The following ELP1 variants were observed in gnomAD, a reference collection of about 807,000 sequenced individuals.
ELP1 encodes elongator complex protein 1.
Under a neutral mutation model 183.2 loss-of-function variants are expected in ELP1, and 131 were observed. The observed-to-expected ratio is 0.72, with a 90% CI of 0.62 to 0.83. ELP1 has a LOEUF of 0.83. ELP1 is among the 40% of genes least tolerant of loss of function. The probability of loss-of-function intolerance (pLI) is 0.00; values close to 1 mark genes in which losing one functional copy is unlikely to be tolerated. For missense variants in ELP1, 1,550 were observed against 1,594.9 expected (o/e 0.97, Z 0.48); for synonymous variants, 555 against 569.0 (o/e 0.98, Z 0.35).
chr9:108,881,263 C>A (rs1022661910), intron 31 of ELP1, among the ~76,000 whole-genome samples: 1 of 152,172 alleles, frequency 6.6e-6, no homozygotes, highest in Admixed American at 6.5e-5. Flanking sequence ...CATGCATACA[C>A]ACATTCATTA....
chr9:108,902,678 A>G (rs904097156), intron 16 of ELP1, among the ~76,000 whole-genome samples, 161 bp downstream of exon 16: 2 of 152,206 alleles, frequency 1.3e-5, no homozygotes, highest in African/African-American at 4.8e-5. Flanking sequence ...CATTTTATAG[A>G]TGAATAAGGT....
rs1451126639 is a variant in ELP1, at chr9:108,906,397, C to T, written c.1549G>A (p.Val517Ile). The T allele has an allele frequency of 4.3e-6, 7 of 1,613,966 alleles. No individual in the cohort carries two copies. Among genetic ancestry groups the T allele is most frequent in the Admixed American group, 1.7e-5 (1 of 60,006 alleles). ...TWIEEDVFLA[V>I]SHSEFSPRSV... is the part of the protein sequence containing the mutation. ...CGGGGGCTGAACTCACTGTGGCTTA[C>T]AGCCAGGAAGACGTCTTCTTCAATC... Residue 517 changes from valine (V) to isoleucine (I), a missense_variant, in exon 14 of 37, where the codon GTA (valine) becomes ATA (isoleucine). By Grantham distance (29) the Val-to-Ile change is conservative (BLOSUM62 3). Coordinates refer to ENST00000374647, the MANE Select transcript of ELP1 (RefSeq NM_003640.5).
At chr9:108,891,969 G>A (rs996834163) in intron 27 of ELP1, among the ~76,000 whole-genome samples, 1 of 152,196 alleles carries the variant, frequency 6.6e-6, no homozygotes, top group Non-Finnish European at 1.5e-5. Flanking sequence ...CTAGAGCAGA[G>A]AGAGTGTGGA....
In ELP1 at chr9:108,891,513, A is replaced by C. The variant is rs566136993; in HGVS notation, c.2959-109T>G. 8.1e-6 allele frequency: 8 copies of C among 982,802 alleles called. No individual in the cohort carries two copies. The East Asian group carries it at 2.0e-4, about 25-fold the overall frequency. The allele number at this position is 982,802 out of a possible 1,614,324, so 60.9% of individuals were successfully genotyped here. The stretch of plus-strand genomic sequence containing the variant: ...TACTTGGAACTCCCTTGAAAGAATT[A>C]CCTGGGAAAATCTTACAGTTGATCA... On this transcript the variant is annotated intron_variant, in intron 27 of 36. Transcript: ENST00000374647.
At position 108,901,257 on chromosome 9, in the gene ELP1, T is replaced by C. The variant is rs150087061; in HGVS notation, c.2014+168A>G. Among the ~76,000 whole-genome samples the C allele has an allele frequency of 4.5e-4, 68 of 152,328 alleles. 3 individuals are homozygous for C. The highest frequency in any genetic ancestry group is 1.6e-3 in the African/African-American group (67 of 41,560). On this transcript the variant is annotated intron_variant, in intron 18 of 36. Coordinates refer to ENST00000374647, the MANE Select transcript of ELP1 (RefSeq NM_003640.5). ...TTACTAAAGTGCAGAATGATTTAAC[T>C]GAGATATTATGTTGAGATTAGGGTC... is the stretch of plus-strand genomic sequence containing the variant.
chr9:108,928,818 A>G (rs933318368), intron 3 of ELP1, among the ~76,000 whole-genome samples: 2 of 152,212 alleles, frequency 1.3e-5, no homozygotes, highest in African/African-American at 4.8e-5. Flanking sequence ...GACAAGTTTG[A>G]TATTTCCCAC....
At chr9:108,929,205 T>G (rs1299977232) in intron 3 of ELP1, among the ~76,000 whole-genome samples, 1 of 152,170 alleles carries the variant, frequency 6.6e-6, no homozygotes, top group African/African-American at 2.4e-5. Flanking sequence ...CCAAGTGTAA[T>G]TTGAAACCCT....
At chr9:108,899,347 A>C (rs1388943358) in intron 20 of ELP1, among the ~76,000 whole-genome samples, 8 of 152,150 alleles carry the variant, frequency 5.3e-5, no homozygotes, top group Non-Finnish European at 8.8e-5. Context: ...CTACTTTTTA[A>C]ACAAAACATT....
Position 108,878,106 on chromosome 9 carries a change from A to T in ELP1, c.3744T>A (p.Phe1248Leu). ...TCTGTAATTCCCTTCCTTGTTCATC[A>T]AACTCAAAGAGAAAGAGTACCTTTA... ...HILKVLFLFE[F>L]DEQGRELQKA... The change falls in exon 35 of 37, where the codon TTT becomes TTA. Residue 1248 changes from phenylalanine to leucine, a missense_variant. Coordinates refer to ENST00000374647, the MANE Select transcript of ELP1 (RefSeq NM_003640.5). 1 of 1,612,436 alleles carries T rather than the reference A, an allele frequency of 6.2e-7. No individual in the cohort carries two copies. The highest frequency in any genetic ancestry group is 8.5e-7 in the Non-Finnish European group (1 of 1,178,472).
chr9:108,898,643 T>C, intron 21 of ELP1, 28 bp downstream of exon 21: 1 of 1,602,186 alleles, frequency 6.2e-7, no homozygotes, highest in Non-Finnish European at 8.6e-7. Context: ...CAAAGTAAGC[T>C]AGAGTAAATG....
intron 5 of ELP1, among the ~76,000 whole-genome samples, chr9:108,925,465 C>A (rs919555035): frequency 3.9e-5 from 6 of 152,072 alleles, no homozygotes; most frequent in African/African-American, 1.4e-4. Flanking sequence ...CACCCTTATC[C>A]CTCACCTACC....
At chr9:108,895,119 C>G (rs986007913) in intron 25 of ELP1, among the ~76,000 whole-genome samples, 2 of 152,072 alleles carry the variant, frequency 1.3e-5, no homozygotes, top group African/African-American at 4.8e-5. Context: ...CATGGTGGTG[C>G]ACGCCTGTAA....
At chr9:108,870,012 G>A (rs538889023) in intron 36 of ELP1, among the ~76,000 whole-genome samples, 1 of 151,174 alleles carries the variant, frequency 6.6e-6, no homozygotes, top group South Asian at 2.1e-4. Flanking sequence ...GTCTCATTTT[G>A]TTGCCCAGGT....
At chr9:108,900,959 G>A (rs924271174) in intron 18 of ELP1, among the ~76,000 whole-genome samples, 9 of 145,076 alleles carry the variant, frequency 6.2e-5, no homozygotes, top group Admixed American at 1.4e-4. Context: ...ACACATACAC[G>A]CCACACACAC....
At chr9:108,895,137 T>G (rs1384891241) in intron 25 of ELP1, among the ~76,000 whole-genome samples, 1 of 151,878 alleles carries the variant, frequency 6.6e-6, no homozygotes, top group Admixed American at 6.6e-5. Context: ...TAAGCTGAGG[T>G]GAGATTGCTT....
chr9:108,894,529 G>A (rs888659347), intron 25 of ELP1, among the ~76,000 whole-genome samples: 5 of 152,206 alleles, frequency 3.3e-5, no homozygotes, highest in African/African-American at 1.2e-4. Flanking sequence ...CATCAAACAA[G>A]CTTTGGCAAA....
At position 108,926,593 on chromosome 9, in the gene ELP1, G is replaced by C; in HGVS notation, c.396C>G (p.Thr132=). Residue 132 remains threonine, a synonymous_variant, in exon 5 of 37, where the codon ACC becomes ACG. Coordinates refer to ENST00000374647, the MANE Select transcript of ELP1 (RefSeq NM_003640.5). The part of the protein sequence containing the change: ...ELVLLATGQQ[T]LIMMTKDFEP... Reference sequence around the variant, plus strand: ...CAAAATCTTTTGTCATCATAATCAGGGTCTGTTGACCTTAGAGAAACACAA... The same window carrying C: ...CAAAATCTTTTGTCATCATAATCAGCGTCTGTTGACCTTAGAGAAACACAA... 6.2e-7 allele frequency: 1 copy of C among 1,612,126 alleles called. No individual in the cohort carries two copies. Among genetic ancestry groups the C allele is most frequent in the Non-Finnish European group, 8.5e-7 (1 of 1,179,422 alleles).
rs763312635 is a variant in ELP1, at chr9:108,894,006, G to A, written c.2797C>T (p.Arg933Trp). 2.9e-5 allele frequency: 46 copies of A among 1,600,106 alleles called. No homozygotes were observed. The East Asian group carries it at 6.3e-4, about 22-fold the overall frequency. Residue 933 changes from arginine (R) to tryptophan (W), a missense_variant, in exon 26 of 37, where the codon CGG becomes TGG. Coordinates refer to ENST00000374647, the MANE Select transcript of ELP1 (RefSeq NM_003640.5). The stretch of plus-strand genomic sequence containing the variant: ...TTCAAGTATTTGTCTATAGTAAACC[G>A]CTGATAATTAGTTTCCATTTTCTTA... ...TLKKMETNYQ[R>W]FTIDKYLKRY...
At chr9:108,906,624 C>G (rs1829031821) in intron 13 of ELP1, 139 bp from the exon 14 acceptor site, 2 of 682,688 alleles carry the variant, frequency 2.9e-6, no homozygotes, top group East Asian at 5.4e-5. Context: ...TGAGATACTA[C>G]CAAATACTAC....
Sources: gnomAD v4.1 joint callset for allele counts (sites outside exome capture counted in the v4.1 genomes callset) on GRCh38, gnomAD v4.1.1 for gene constraint, MANE v1.5 for transcripts, NCBI Gene and HGNC (gene_info 2026-07-23, HGNC 2026-07-21) for gene names.